The following ANK1 variants were observed in gnomAD, a reference collection of about 807,000 sequenced individuals.
ANK1 encodes ankyrin 1, also known as ankyrin-1.
ANK1 carries 51 observed loss-of-function variants against 210.4 expected under a neutral mutation model. The observed-to-expected ratio is 0.24, with a 90% confidence interval of 0.19 to 0.31. The LOEUF is 0.31. Ranked by LOEUF, ANK1 falls within the 10% of genes least tolerant of loss-of-function variation. The pLI is 1.00. For synonymous variants in ANK1, 967 were observed against 1,025.9 expected (o/e 0.94, Z 1.10); for missense variants, 2,051 against 2,504.4 (o/e 0.82, Z 3.86).
At chr8:41,792,366 G>A (rs1220376577) in intron 1 of ANK1, among the ~76,000 whole-genome samples, 1 of 152,122 alleles carries the variant, frequency 6.6e-6, no homozygotes, top group Non-Finnish European at 1.5e-5. Context: ...TCCCGCACGG[G>A]GCCAGCTTGC....
rs1817193401 is a variant in ANK1 at position 41,684,705 on chromosome 8, G to A, written c.4391-15C>T. On this transcript the variant is annotated splice_polypyrimidine_tract_variant and intron_variant, in intron 36 of 42. Coordinates refer to ENST00000289734, the MANE Select transcript of ANK1 (RefSeq NM_000037.4). ...CAGATTCTCCACTGTGGGCGCAGAA[G>A]AGAGATGCACGTTACTCCAGGCCGG... 2 of 1,613,046 alleles carry A rather than the reference G, an allele frequency of 1.2e-6. No homozygotes were observed. Among genetic ancestry groups the A allele is most frequent in the East Asian group, 2.2e-5 (1 of 44,886 alleles).
intron 1 of ANK1, among the ~76,000 whole-genome samples, chr8:41,823,210 C>T (rs932127485): frequency 2.6e-5 from 4 of 151,948 alleles, no homozygotes; most frequent in South Asian, 2.1e-4. Flanking sequence ...TTCCTTCTAG[C>T]GGGTAGCTGA....
intron 1 of ANK1, among the ~76,000 whole-genome samples, chr8:41,815,278 CTCT>C (rs1219850398): frequency 6.6e-6 from 1 of 151,906 alleles, no homozygotes; most frequent in Non-Finnish European, 1.5e-5. Context: ...ACACAGAATC[CTCT>C]TTTTTTTAAG....
In ANK1 at chr8:41,706,314, T is replaced by A. The variant is rs968034137; in HGVS notation, c.1999-73A>T. The A allele has an allele frequency of 2.2e-5, 30 of 1,393,260 alleles. No homozygotes were observed. In the African/African-American group the frequency reaches 3.3e-4, roughly 15 times the overall value. 86.3% of individuals were successfully genotyped at this position (1,393,260 alleles called of 1,614,324 possible). A position where few individuals can be genotyped will look rare whatever the true frequency, so the allele number is the denominator to read the frequency against. ...AGGCCACAAGTAAAGAGCTCTGAGGTCTGGGAGCTGAAGCTAACTTTGCAG... is the reference window on the plus strand; with the variant it reads ...AGGCCACAAGTAAAGAGCTCTGAGGACTGGGAGCTGAAGCTAACTTTGCAG... On this transcript the variant is annotated intron_variant, in intron 17 of 42. Coordinates refer to ENST00000289734, the MANE Select transcript of ANK1 (RefSeq NM_000037.4).
chr8:41,891,212 T>C (rs957681389), intron 1 of ANK1, among the ~76,000 whole-genome samples: 1 of 151,876 alleles, frequency 6.6e-6, no homozygotes, highest in Non-Finnish European at 1.5e-5. Context: ...AGAGCGCCTG[T>C]ACATAGGACA....
At chr8:41,710,426 A>G (rs1825813771) in intron 16 of ANK1, among the ~76,000 whole-genome samples, 1 of 152,344 alleles carries the variant, frequency 6.6e-6, no homozygotes, top group Non-Finnish European at 1.5e-5. Context: ...CAGCTAGAAC[A>G]GTGGTTCTCA....
At chr8:41,700,257 C>A (rs185642077) in intron 22 of ANK1, among the ~76,000 whole-genome samples, 1 of 152,324 alleles carries the variant, frequency 6.6e-6, no homozygotes, top group African/African-American at 2.4e-5. Flanking sequence ...GAGGTGCCCG[C>A]CAGGCATGGG....
At chr8:41,785,534 G>C (rs1846162442) in intron 1 of ANK1, among the ~76,000 whole-genome samples, 3 of 152,180 alleles carry the variant, frequency 2.0e-5, no homozygotes, top group African/African-American at 7.2e-5. Context: ...GTAGCCTGTA[G>C]TGACCTCACG....
rs116586458 is a variant in ANK1 at position 41,748,109 on chromosome 8, G to A, written c.129+9927C>T. ...GGGTGACGTCAGCATTAACGGTGTCGCAGGTACCAGGTGCCAGGCATAGGG... is the reference window on the plus strand; with the variant it reads ...GGGTGACGTCAGCATTAACGGTGTCACAGGTACCAGGTGCCAGGCATAGGG... On this transcript the variant is annotated intron_variant, in intron 2 of 42. Transcript: ENST00000289734. Among the ~76,000 whole-genome samples, 653 of 152,206 alleles carry A rather than the reference G, an allele frequency of 4.3e-3. 12 individuals carry two copies. The highest frequency in any genetic ancestry group is 0.014 in the African/African-American group (594 of 41,502).
chr8:41,664,187 G>T, intron 39 of ANK1: 1 of 457,568 alleles, frequency 2.2e-6, no homozygotes, highest in Non-Finnish European at 4.4e-6. Context: ...GGACGATCCG[G>T]GTGCAATCCC....
intron 2 of ANK1, among the ~76,000 whole-genome samples, chr8:41,743,631 G>A (rs1835335427): frequency 6.6e-6 from 1 of 152,170 alleles, no homozygotes; most frequent in South Asian, 2.1e-4. Flanking sequence ...GAGTGGTTGG[G>A]AGGTTGTCAT....
intron 1 of ANK1, among the ~76,000 whole-genome samples, chr8:41,822,145 AGAAAG>A (rs1804533627): frequency 3.0e-5 from 1 of 32,960 alleles, no homozygotes; most frequent in Non-Finnish European, 9.3e-5. Flanking sequence ...AAAGAAAGAA[AGAAAG>A]AAAGAAAGAA....
In ANK1 at chr8:41,723,625, G is replaced by A; in HGVS notation, c.720C>T (p.Ile240=). The A allele has an allele frequency of 6.2e-7, 1 of 1,613,164 alleles. No homozygotes were observed. Among genetic ancestry groups the A allele is most frequent in the South Asian group, 1.1e-5 (1 of 91,076 alleles). Residue 240 remains isoleucine (I), a synonymous_variant, in exon 8 of 43, where the codon ATC becomes ATT. Coordinates refer to ENST00000289734, the MANE Select transcript of ANK1 (RefSeq NM_000037.4). ...TGCGGGAGGCGATGTGCAGTGGCGT[G>A]ATGCCGTTCTGAAGGGAGGAAGCAG... ...ASVNFTPQNG[I]TPLHIASRRG...
At position 41,725,883 on chromosome 8, in the gene ANK1, T is replaced by C. The variant is rs756648808; in HGVS notation, c.490A>G (p.Ile164Val). 6.2e-7 allele frequency: 1 copy of C among 1,613,402 alleles called. No homozygotes were observed. The highest frequency in any genetic ancestry group is 1.3e-5 in the African/African-American group (1 of 74,910). Reference protein sequence around the residue: ...QGHENVVAHLINYGTKGKVRL... With the variant: ...QGHENVVAHLVNYGTKGKVRL... Reference sequence around the variant, plus strand: ...ACCTTCCCCTTGGTGCCGTAGTTGATGAGGTGCGCGACGACGTTCTCATGG... The same window carrying C: ...ACCTTCCCCTTGGTGCCGTAGTTGACGAGGTGCGCGACGACGTTCTCATGG... Residue 164 changes from isoleucine to valine, a missense_variant, in exon 6 of 43, where the codon ATC becomes GTC. By Grantham distance (29) the Ile-to-Val change is conservative. Transcript: ENST00000289734.
At chr8:41,792,966 G>C (rs775816476) in intron 1 of ANK1, among the ~76,000 whole-genome samples, 7 of 152,232 alleles carry the variant, frequency 4.6e-5, no homozygotes, top group African/African-American at 9.7e-5. Context: ...CAGTGAACAA[G>C]GCAAGCCTGA....
At position 41,827,839 on chromosome 8, in the gene ANK1, G is replaced by GCA. The variant is rs544612519; in HGVS notation, c.126+68514_126+68515dup. 2.2e-3 allele frequency among the ~76,000 whole-genome samples: 299 copies of GCA among 133,434 alleles called. 2 individuals carry two copies. Among genetic ancestry groups the GCA allele is most frequent in the African/African-American group, 8.0e-3 (283 of 35,286 alleles). 87.5% of individuals were successfully genotyped at this position (133,434 alleles called of 152,430 possible). A position where few individuals can be genotyped will look rare whatever the true frequency, so the allele number is the denominator to read the frequency against. ...CACATACACACACGCACTCACACAT[G>GCA]CACACACGCATACATACACCCACTC... On this transcript the variant is annotated intron_variant, in intron 1 of 42. Transcript: ENST00000265709.
chr8:41,654,195 T>C lies in ANK1; in HGVS notation c.*1595A>G, dbSNP rs898147946. On this transcript the variant is annotated 3_prime_UTR_variant, in exon 43 of 43. Coordinates refer to ENST00000289734, the MANE Select transcript of ANK1 (RefSeq NM_000037.4). The stretch of plus-strand genomic sequence containing the variant: ...GCCCGCCGCGAGGGCGGGGCCGGGA[T>C]TGTGCTGATTCTGGCCTCCCTGGGC... The C allele has an allele frequency of 9.8e-5, 15 of 152,536 alleles. No individual in the cohort carries two copies. Among genetic ancestry groups the C allele is most frequent in the Admixed American group, 8.5e-4 (13 of 15,286 alleles). 9.4% of individuals were successfully genotyped at this position (152,536 alleles called of 1,614,324 possible).
At chr8:41,714,941 T>G in intron 15 of ANK1, 35 bp downstream of exon 15, 67 of 1,598,620 alleles carry the variant, frequency 4.2e-5, no homozygotes, top group Non-Finnish European at 5.3e-5. Context: ...GCCTCTAACC[T>G]GAGAGCTGCA....
At chr8:41,810,451 C>T (rs545668045) in intron 1 of ANK1, among the ~76,000 whole-genome samples, 15 of 152,252 alleles carry the variant, frequency 9.9e-5, no homozygotes, top group Non-Finnish European at 1.9e-4. Flanking sequence ...GTGGATCTGA[C>T]CTCCACAGAA....
Sources: allele counts gnomAD v4.1 joint callset (sites outside exome capture counted in the v4.1 genomes callset), GRCh38; gene constraint gnomAD v4.1.1; transcripts MANE v1.5; gene names NCBI Gene and HGNC (gene_info 2026-07-23, HGNC 2026-07-21).